RBM27: variants seen among roughly 807,000 people sequenced by gnomAD.
The protein encoded by RBM27 is RNA binding motif protein 27.
In RBM27, 22 loss-of-function variants were observed where a neutral mutation model predicts 135.3. The observed-to-expected ratio is 0.16, with a 90% CI of 0.12 to 0.23. RBM27 has a LOEUF of 0.23. Among genes scored for constraint, RBM27 ranks in the 10% least tolerant of loss-of-function variants. The pLI is 1.00. For synonymous variants in RBM27, 481 were observed against 442.4 expected (o/e 1.09, Z -1.10); for missense variants, 1,009 against 1,281.0 (o/e 0.79, Z 3.24).
Position 146,288,131 on chromosome 5 carries a change from G to A in RBM27, c.*2101G>A, listed in dbSNP as rs1759655072. 6.6e-6 allele frequency: 1 copy of A among 151,720 alleles called. No individual in the cohort carries two copies. Among genetic ancestry groups the A allele is most frequent in the Non-Finnish European group, 1.5e-5 (1 of 67,904 alleles). 9.4% of individuals were successfully genotyped at this position (151,720 alleles called of 1,614,324 possible). A position where few individuals can be genotyped will look rare whatever the true frequency, so the allele number is the denominator to read the frequency against. ...AAGAATTGTTGTATTTTTGTATTTG[G>A]AAACTGAAAATTACAGTAAATAAAT... On this transcript the variant is annotated 3_prime_UTR_variant, in exon 21 of 21. Coordinates refer to ENST00000265271, the MANE Select transcript of RBM27 (RefSeq NM_018989.2).
rs182252641 is a variant in RBM27 at position 146,221,996 on chromosome 5, A to G, written c.179-1407A>G. ...TTCCCAGAGAATATTGTTTAATAGT[A>G]GATGTTTATCTTTGCTTTTTAAAAA... On this transcript the variant is annotated intron_variant, in intron 2 of 20. Coordinates refer to ENST00000265271, the MANE Select transcript of RBM27 (RefSeq NM_018989.2). Among the ~76,000 whole-genome samples the G allele has an allele frequency of 1.1e-4, 16 of 152,286 alleles. No homozygotes were observed. The East Asian group carries it at 3.1e-3, about 29-fold the overall frequency.
chr5:146,240,196 T>C (rs925829272), intron 8 of RBM27, among the ~76,000 whole-genome samples: 1 of 151,686 alleles, frequency 6.6e-6, no homozygotes. Context: ...ATGGCTCAAC[T>C]TTCCCCCCCA....
chr5:146,245,574 A>G (rs1757591684), intron 8 of RBM27, among the ~76,000 whole-genome samples: 1 of 152,218 alleles, frequency 6.6e-6, no homozygotes, highest in African/African-American at 2.4e-5. Context: ...TTAAAACAGT[A>G]TAATTCTAAA....
intron 9 of RBM27, among the ~76,000 whole-genome samples, chr5:146,252,297 A>G (rs1047592371): frequency 2.0e-5 from 3 of 152,158 alleles, no homozygotes; most frequent in Admixed American, 6.5e-5. Flanking sequence ...TGCCCCTTGT[A>G]TGTGTGCATA....
At position 146,286,300 on chromosome 5, in the gene RBM27, T is replaced by G. The variant is rs1217281919; in HGVS notation, c.*270T>G. The stretch of plus-strand genomic sequence containing the variant: ...GAGCCTTATTTTCCACACCACCTTT[T>G]TTTTGTTGCTGTTGGTGTTGGATTA... On this transcript the variant is annotated 3_prime_UTR_variant, in exon 21 of 21. Coordinates refer to ENST00000265271, the MANE Select transcript of RBM27 (RefSeq NM_018989.2). 1 of 241,164 alleles carries G rather than the reference T, an allele frequency of 4.1e-6. No homozygotes were observed. The highest frequency in any genetic ancestry group is 7.9e-6 in the Non-Finnish European group (1 of 127,008). The allele number at this position is 241,164 out of a possible 1,614,324, so 14.9% of individuals were successfully genotyped here.
chr5:146,246,491 A>T (rs557011606), intron 8 of RBM27, among the ~76,000 whole-genome samples: 1 of 152,292 alleles, frequency 6.6e-6, no homozygotes, highest in African/African-American at 2.4e-5. Context: ...GATCTTCACC[A>T]TTACTGTAAC....
In RBM27 at chr5:146,286,109, G is replaced by A; in HGVS notation, c.*79G>A. 1 of 1,359,134 alleles carries A rather than the reference G, an allele frequency of 7.4e-7. No homozygotes were observed. The highest frequency in any genetic ancestry group is 1.0e-6 in the Non-Finnish European group (1 of 992,594). 84.2% of individuals were successfully genotyped at this position (1,359,134 alleles called of 1,614,324 possible). On this transcript the variant is annotated 3_prime_UTR_variant, in exon 21 of 21. Transcript: ENST00000265271. ...TAAAAATTATTTAAAAGAAGTCAAT[G>A]AGCCAAAAAAAATTTTTTTATTTTT...
intron 11 of RBM27, among the ~76,000 whole-genome samples, chr5:146,259,979 CAAAAAAAAAAAAA>C (rs34781548): frequency 6.5e-4 from 23 of 35,284 alleles, no homozygotes; most frequent in African/African-American, 2.1e-3. Flanking sequence ...GACTCCGTCT[CAAAAAAAAAAAAA>C]AAAAAAAAAA....
intron 14 of RBM27, among the ~76,000 whole-genome samples, chr5:146,264,057 G>C (rs1450491675): frequency 6.6e-6 from 1 of 151,578 alleles, no homozygotes; most frequent in Non-Finnish European, 1.5e-5. Context: ...AGTGAGCCAA[G>C]GTCGTACCAT....
chr5:146,218,979 A>C lies in RBM27; in HGVS notation c.60-6A>C. 1 of 1,577,376 alleles carries C rather than the reference A, an allele frequency of 6.3e-7. No individual in the cohort carries two copies. The highest frequency in any genetic ancestry group is 1.4e-5 in the African/African-American group (1 of 73,264). On this transcript the variant is annotated splice_region_variant and splice_polypyrimidine_tract_variant and intron_variant, in intron 1 of 20. Coordinates refer to ENST00000265271, the MANE Select transcript of RBM27 (RefSeq NM_018989.2). ...TAAAATTTTTGTTTTCTCTTTGTCTAACTAGATGTGATGCTGATCCTTCAG... is the reference window on the plus strand; with the variant it reads ...TAAAATTTTTGTTTTCTCTTTGTCTCACTAGATGTGATGCTGATCCTTCAG...
chr5:146,260,643 A>G, intron 11 of RBM27, 102 bp from the exon 12 acceptor site: 1 of 961,218 alleles, frequency 1.0e-6, no homozygotes, highest in African/African-American at 1.7e-5. Context: ...CCAGCCACAA[A>G]AGGCACTTAA....
Position 146,263,637 on chromosome 5 carries a change from C to T in RBM27, c.2331+6C>T, listed in dbSNP as rs1488799449. 6.2e-7 allele frequency: 1 copy of T among 1,612,578 alleles called. No homozygotes were observed. The highest frequency in any genetic ancestry group is 8.5e-7 in the Non-Finnish European group (1 of 1,179,546). ...GTGCTGGAGAAGATTGCCAGGTATG[C>T]ATTTTTGGGAGCTTCAGATATATTT... On this transcript the variant is annotated splice_donor_region_variant and intron_variant, in intron 14 of 20. Coordinates refer to ENST00000265271, the MANE Select transcript of RBM27 (RefSeq NM_018989.2).
intron 11 of RBM27, among the ~76,000 whole-genome samples, chr5:146,260,125 C>T (rs1449039795): frequency 1.3e-5 from 2 of 151,574 alleles, no homozygotes; most frequent in African/African-American, 4.8e-5. Context: ...ATGGTGAAAC[C>T]TTGTCTGTAC....
chr5:146,247,217 A>G (rs1757663708), intron 8 of RBM27, among the ~76,000 whole-genome samples: 1 of 152,074 alleles, frequency 6.6e-6, no homozygotes, highest in Non-Finnish European at 1.5e-5. Context: ...CAGCTTAATG[A>G]CATGATTGTT....
Position 146,233,625 on chromosome 5 carries a change from C to T in RBM27, c.1026C>T (p.Gly342=), listed in dbSNP as rs766624193. 5 of 1,601,210 alleles carry T rather than the reference C, an allele frequency of 3.1e-6. No individual in the cohort carries two copies. The South Asian group carries it at 4.4e-5, about 14-fold the overall frequency. Residue 342 remains glycine, a synonymous_variant, in exon 7 of 21, where the codon GGC becomes GGT. Transcript: ENST00000265271. Reference sequence around the variant, plus strand: ...CTCCAATGCCAGGTCCAGGCCCAGGCCCGGGCCCAGGTCCAGGCCCAGGCC... The same window carrying T: ...CTCCAATGCCAGGTCCAGGCCCAGGTCCGGGCCCAGGTCCAGGCCCAGGCC... ...LMPPMPGPGP[G]PGPGPGPGPG...
intron 15 of RBM27, among the ~76,000 whole-genome samples, chr5:146,268,651 T>C (rs1014827372): frequency 1.3e-5 from 2 of 152,158 alleles, no homozygotes; most frequent in African/African-American, 4.8e-5. Context: ...GTCATGATCA[T>C]GGCCCAGTGC....
chr5:146,269,470 A>G lies in RBM27; in HGVS notation c.2577A>G (p.Arg859=). The change falls in exon 17 of 21, where the codon AGA becomes AGG. Residue 859 remains arginine, a synonymous_variant. Transcript: ENST00000265271. ...EKNKNMKPEE[R]ANIMKTLKEL... ...ACAAAAACATGAAACCAGAAGAAAG[A>G]GCAAATATAATGAAGACTTTGAAAG... 6.4e-7 allele frequency: 1 copy of G among 1,573,100 alleles called. No individual in the cohort carries two copies. Among genetic ancestry groups the G allele is most frequent in the South Asian group, 1.2e-5 (1 of 83,812 alleles).
Position 146,205,993 on chromosome 5 carries a change from C to T in RBM27, c.59+2169C>T, listed in dbSNP as rs1367430077. Among the ~76,000 whole-genome samples the T allele has an allele frequency of 2.0e-5, 3 of 152,046 alleles. 1 individual carries two copies. In the South Asian group the frequency reaches 6.2e-4, roughly 32 times the overall value. ...CTAGATCAGGCCACTGCTCTCCAGC[C>T]TGGGCAACAGAGCCAGACTCCGTCT... On this transcript the variant is annotated intron_variant, in intron 1 of 20. Transcript: ENST00000265271.
chr5:146,230,531 AAT>A, intron 5 of RBM27, 124 bp from the exon 6 acceptor site: 1 of 998,640 alleles, frequency 1.0e-6, no homozygotes, highest in Admixed American at 2.7e-5. Flanking sequence ...AGGAGTATGA[AAT>A]ATGGATAGCT....
Sources: allele counts gnomAD v4.1 joint callset (sites outside exome capture counted in the v4.1 genomes callset), GRCh38; gene constraint gnomAD v4.1.1; transcripts MANE v1.5; gene names NCBI Gene and HGNC (gene_info 2026-07-23, HGNC 2026-07-21).